The following CCDC192 variants were observed in gnomAD, a reference collection of about 807,000 sequenced individuals.
CCDC192 encodes coiled-coil domain containing 192, also known as coiled-coil domain-containing protein 192.
At chr5:127,856,091 A>G (rs1660851839) in intron 5 of CCDC192, among the ~76,000 whole-genome samples, 1 of 152,224 alleles carries the variant, frequency 6.6e-6, no homozygotes, top group South Asian at 2.1e-4. Context: ...AAAGTCCTAG[A>G]TGGCATCTTC....
chr5:127,818,075 G>C (rs1281345700), intron 5 of CCDC192, among the ~76,000 whole-genome samples: 1 of 152,102 alleles, frequency 6.6e-6, no homozygotes, highest in South Asian at 2.1e-4. Flanking sequence ...ACCCAGCATA[G>C]CTTTTTCCCA....
chr5:127,736,700 T>G (rs1753020410), intron 2 of CCDC192, among the ~76,000 whole-genome samples: 1 of 151,634 alleles, frequency 6.6e-6, no homozygotes, highest in South Asian at 2.1e-4. Context: ...CTTCTAGATT[T>G]TCTAGTTTAT....
chr5:127,757,422 C>A (rs1483925211), intron 3 of CCDC192, among the ~76,000 whole-genome samples: 1 of 152,094 alleles, frequency 6.6e-6, no homozygotes, highest in African/African-American at 2.4e-5. Context: ...TGGCTGTCTT[C>A]ATTGTTACTG....
intron 6 of CCDC192, among the ~76,000 whole-genome samples, chr5:127,886,567 C>G (rs1432608106): frequency 6.6e-6 from 1 of 152,180 alleles, no homozygotes; most frequent in Admixed American, 6.5e-5. Context: ...AATATGTTTT[C>G]TCTTCCTTAT....
At chr5:127,861,428 G>A (rs1367283782) in intron 5 of CCDC192, among the ~76,000 whole-genome samples, 1 of 151,292 alleles carries the variant, frequency 6.6e-6, no homozygotes, top group Non-Finnish European at 1.5e-5. Flanking sequence ...GCCGAGGTGG[G>A]CAGATCACCT....
intron 6 of CCDC192, among the ~76,000 whole-genome samples, chr5:127,880,289 C>T (rs1327500803): frequency 1.3e-5 from 2 of 152,122 alleles, no homozygotes; most frequent in South Asian, 2.1e-4. Context: ...GTGATGAGTT[C>T]ATGTCCTTTG....
intron 6 of CCDC192, among the ~76,000 whole-genome samples, chr5:127,876,492 A>G (rs1026773128): frequency 8.5e-5 from 13 of 152,172 alleles, no homozygotes; most frequent in Admixed American, 3.3e-4. Flanking sequence ...GCCGCTGACC[A>G]TACCCTAGTG....
chr5:127,940,258 T>C (rs917676276), intron 6 of CCDC192, among the ~76,000 whole-genome samples: 15 of 152,156 alleles, frequency 9.9e-5, no homozygotes, highest in Non-Finnish European at 2.9e-5. Context: ...GTGATTTTAT[T>C]AAGAAGTGCC....
At chr5:127,770,458 C>T (rs1177396623) in intron 3 of CCDC192, among the ~76,000 whole-genome samples, 2 of 152,194 alleles carry the variant, frequency 1.3e-5, no homozygotes, top group East Asian at 3.8e-4. Flanking sequence ...TCAAATTGTT[C>T]AGCTACCTCC....
Position 127,881,998 on chromosome 5 carries a change from G to A in CCDC192, c.535+6337G>A, listed in dbSNP as rs115545711. The stretch of plus-strand genomic sequence containing the variant: ...TAATCCCAGCACTTTGGGAGGCCAA[G>A]GTGTCTAGCCTACACATGCATGTCC... On this transcript the variant is annotated intron_variant, in intron 6 of 6. Coordinates refer to ENST00000514853, the MANE Select transcript of CCDC192 (RefSeq NM_001317938.2). Among the ~76,000 whole-genome samples the A allele has an allele frequency of 2.9e-3, 449 of 152,274 alleles. 5 individuals are homozygous for A. The highest frequency in any genetic ancestry group is 0.01 in the African/African-American group (435 of 41,560).
intron 5 of CCDC192, among the ~76,000 whole-genome samples, chr5:127,819,213 G>T (rs1475923675): frequency 6.6e-6 from 1 of 152,106 alleles, no homozygotes; most frequent in Non-Finnish European, 1.5e-5. Flanking sequence ...GAGGGTACAC[G>T]CTAAGGCAAC....
At chr5:127,788,106 G>T (rs1012948763) in intron 3 of CCDC192, among the ~76,000 whole-genome samples, 4 of 150,956 alleles carry the variant, frequency 2.6e-5, no homozygotes, top group Non-Finnish European at 5.9e-5. Context: ...AAAAAAAAGG[G>T]GGGGACTATT....
At chr5:127,938,796 T>C (rs1754261895) in intron 6 of CCDC192, among the ~76,000 whole-genome samples, 1 of 152,240 alleles carries the variant, frequency 6.6e-6, no homozygotes, top group Non-Finnish European at 1.5e-5. Context: ...AATGGTCACA[T>C]GTGACTAGTG....
intron 3 of CCDC192, chr5:127,786,887 C>A: frequency 2.2e-6 from 1 of 449,352 alleles, no homozygotes. Context: ...CACTAGCACA[C>A]TAGTTATGAA....
At chr5:127,913,013 T>C (rs1753418948) in intron 6 of CCDC192, among the ~76,000 whole-genome samples, 1 of 152,200 alleles carries the variant, frequency 6.6e-6, no homozygotes, top group Admixed American at 6.5e-5. Context: ...CAGCTAGCTG[T>C]ATTGTTTAGC....
chr5:127,842,532 T>C (rs1333021208), intron 5 of CCDC192, among the ~76,000 whole-genome samples: 1 of 152,220 alleles, frequency 6.6e-6, no homozygotes, highest in Non-Finnish European at 1.5e-5. Context: ...TTCTTAATAA[T>C]TTTTGAACAA....
At chr5:127,851,678 G>A (rs536654594) in intron 5 of CCDC192, among the ~76,000 whole-genome samples, 3 of 152,240 alleles carry the variant, frequency 2.0e-5, no homozygotes, top group Non-Finnish European at 2.9e-5. Flanking sequence ...GGCTGGTCTC[G>A]AACTCCTGAC....
intron 3 of CCDC192, among the ~76,000 whole-genome samples, chr5:127,794,350 T>A (rs1757045097): frequency 6.6e-6 from 1 of 152,198 alleles, no homozygotes; most frequent in Admixed American, 6.5e-5. Flanking sequence ...CTGTATCCTT[T>A]GATAAGTCAT....
intron 2 of CCDC192, among the ~76,000 whole-genome samples, chr5:127,738,177 C>T (rs1753145108): frequency 6.6e-6 from 1 of 151,096 alleles, no homozygotes; most frequent in South Asian, 2.1e-4. Flanking sequence ...TTTTATTTCT[C>T]CTTCACTTAT....
Sources: gnomAD v4.1 joint callset for allele counts (sites outside exome capture counted in the v4.1 genomes callset) on GRCh38, gnomAD v4.1.1 for gene constraint, MANE v1.5 for transcripts, NCBI Gene and HGNC (gene_info 2026-07-23, HGNC 2026-07-21) for gene names.